MICAL3: variants seen among roughly 807,000 people sequenced by gnomAD.
MICAL3 encodes the protein [F-actin]-monooxygenase MICAL3.
MICAL3 carries 62 observed loss-of-function variants against 207.4 expected under a neutral mutation model. That is an observed-to-expected ratio of 0.30 (90% confidence interval 0.24 to 0.37). The LOEUF (loss-of-function observed/expected upper bound fraction) is 0.37. Among genes scored for constraint, MICAL3 ranks in the 10% least tolerant of loss-of-function variants. MICAL3 has a pLI of 1.00. For synonymous variants in MICAL3, 1,077 were observed against 1,069.3 expected, an observed-to-expected ratio of 1.01 and a Z score of -0.14; for missense variants, 2,368 against 2,635.6, an observed-to-expected ratio of 0.90 and a Z score of 2.22.
rs570442323 is a variant in MICAL3, at chr22:18,018,043, C to T, written c.-75+6238G>A. ...GGGATTACAGGCATGCCACCGCGCC[C>T]GGCCGTATTTTTAATAGAGAAGGGG... On this transcript the variant is annotated intron_variant, in intron 1 of 31. Transcript: ENST00000441493. Among the ~76,000 whole-genome samples the T allele has an allele frequency of 4.6e-4, 70 of 151,566 alleles. 1 individual carries two copies. In the South Asian group the frequency reaches 0.014, roughly 30 times the overall value.
At chr22:17,939,267 A>ATTT (rs1933700170) in intron 1 of MICAL3, among the ~76,000 whole-genome samples, 1 of 152,166 alleles carries the variant, frequency 6.6e-6, no homozygotes, top group Non-Finnish European at 1.5e-5. Context: ...TTAAGAACAA[A>ATTT]TTTCACTTCT....
chr22:17,928,791 A>C (rs1933060290), intron 1 of MICAL3, among the ~76,000 whole-genome samples: 1 of 152,178 alleles, frequency 6.6e-6, no homozygotes, highest in East Asian at 1.9e-4. Context: ...AATGACTGGC[A>C]CCCTTAGAAC....
chr22:17,928,684 A>C (rs1933053861), intron 1 of MICAL3, among the ~76,000 whole-genome samples: 1 of 152,216 alleles, frequency 6.6e-6, no homozygotes, highest in African/African-American at 2.4e-5. Flanking sequence ...AACAACCAGA[A>C]CACTTAGATG....
chr22:17,911,432 A>G (rs1215036574), intron 1 of MICAL3, among the ~76,000 whole-genome samples: 9 of 152,190 alleles, frequency 5.9e-5, no homozygotes, highest in Non-Finnish European at 1.3e-4. Context: ...TGCACCATGA[A>G]CACACCAGCG....
At chr22:17,992,237 A>C (rs1921765071) in intron 1 of MICAL3, among the ~76,000 whole-genome samples, 1 of 152,222 alleles carries the variant, frequency 6.6e-6, no homozygotes, top group African/African-American at 2.4e-5. Flanking sequence ...CCTGCAGCCA[A>C]AGTGCAGGGC....
At chr22:18,001,915 T>A (rs557799790) in intron 1 of MICAL3, among the ~76,000 whole-genome samples, 1 of 152,164 alleles carries the variant, frequency 6.6e-6, no homozygotes, top group African/African-American at 2.4e-5. Context: ...GGGGACTTGT[T>A]GGCCGGGCGC....
chr22:17,931,814 T>C (rs1460112541), intron 1 of MICAL3, among the ~76,000 whole-genome samples: 2 of 152,248 alleles, frequency 1.3e-5, no homozygotes, highest in Non-Finnish European at 2.9e-5. Flanking sequence ...GGTGTGCACC[T>C]GAGCATCCCC....
intron 1 of MICAL3, among the ~76,000 whole-genome samples, chr22:17,927,362 G>A (rs1470245762): frequency 6.6e-6 from 1 of 152,062 alleles, no homozygotes; most frequent in African/African-American, 2.4e-5. Flanking sequence ...TCTACCTTCT[G>A]ACTACTGTGC....
chr22:17,872,914 A>G (rs1158542338), intron 16 of MICAL3: 23 of 1,096,622 alleles, frequency 2.1e-5, no homozygotes, highest in Non-Finnish European at 2.9e-5. Flanking sequence ...AAAAAAATAC[A>G]TAAATTAAGA....
At chr22:17,897,549 A>G (rs1345622733) in intron 7 of MICAL3, among the ~76,000 whole-genome samples, 2 of 151,588 alleles carry the variant, frequency 1.3e-5, no homozygotes, top group African/African-American at 4.9e-5. Context: ...TACTTCTTTG[A>G]TCTTATCCAA....
intron 1 of MICAL3, among the ~76,000 whole-genome samples, chr22:17,960,938 G>C (rs1344515626): frequency 6.6e-6 from 1 of 152,150 alleles, no homozygotes; most frequent in South Asian, 2.1e-4. Flanking sequence ...GCAACGAGAC[G>C]GTGCGGGACC....
intron 22 of MICAL3, 37 bp downstream of exon 22, chr22:17,827,607 T>C: frequency 1.3e-6 from 2 of 1,523,700 alleles, no homozygotes; most frequent in Non-Finnish European, 1.8e-6. Flanking sequence ...CGGGTGGTGC[T>C]CGGGGCACAC....
intron 1 of MICAL3, among the ~76,000 whole-genome samples, chr22:17,957,782 G>A (rs1295584577): frequency 1.3e-5 from 2 of 149,384 alleles, no homozygotes; most frequent in Non-Finnish European, 3.0e-5. Flanking sequence ...ACGAAAGAAA[G>A]AAACTTTCTT....
intron 1 of MICAL3, among the ~76,000 whole-genome samples, chr22:17,917,044 C>T (rs573793644): frequency 6.6e-6 from 1 of 152,252 alleles, no homozygotes; most frequent in East Asian, 1.9e-4. Flanking sequence ...AATTCTATTT[C>T]GTTTTTTGAA....
At chr22:17,833,816 G>C (rs1372527452) in intron 20 of MICAL3, among the ~76,000 whole-genome samples, 1 of 152,102 alleles carries the variant, frequency 6.6e-6, no homozygotes, top group African/African-American at 2.4e-5. Context: ...TCTTAGTATT[G>C]CTCAGGTGAG....
At chr22:17,858,363 G>A in intron 19 of MICAL3, 1 of 523,758 alleles carries the variant, frequency 1.9e-6, no homozygotes, top group Non-Finnish European at 2.5e-6. Context: ...TCTACTTGCT[G>A]GCACTTGTGA....
intron 20 of MICAL3, among the ~76,000 whole-genome samples, chr22:17,835,653 C>T (rs922356171): frequency 6.6e-6 from 1 of 152,256 alleles, no homozygotes; most frequent in Non-Finnish European, 1.5e-5. Flanking sequence ...ACACAGACAA[C>T]TTCTCCCTCC....
intron 18 of MICAL3, 86 bp from the exon 19 acceptor site, chr22:17,865,072 C>G: frequency 9.0e-7 from 1 of 1,109,850 alleles, no homozygotes; most frequent in Non-Finnish European, 1.2e-6. Context: ...CAATCTGACA[C>G]GCTGGTTTTA....
At chr22:17,837,561 G>A (rs1923530308) in intron 20 of MICAL3, among the ~76,000 whole-genome samples, 2 of 152,202 alleles carry the variant, frequency 1.3e-5, no homozygotes, top group Non-Finnish European at 2.9e-5. Context: ...ACATCACAAA[G>A]CCAGCCCTCC....
Sources: allele counts gnomAD v4.1 joint callset (sites outside exome capture counted in the v4.1 genomes callset), GRCh38; gene constraint gnomAD v4.1.1; transcripts MANE v1.5; gene names NCBI Gene and HGNC (gene_info 2026-07-23, HGNC 2026-07-21).